Variants in THSD4 observed in about 807,000 individuals in gnomAD.
The protein encoded by THSD4 is thrombospondin type 1 domain containing 4, also known as thrombospondin type-1 domain-containing protein 4.
A neutral mutation model predicts 119.0 loss-of-function variants in THSD4; 69 were observed. The observed-to-expected ratio is 0.58, with a 90% CI of 0.48 to 0.71. The LOEUF (loss-of-function observed/expected upper bound fraction) is 0.71, where lower values mean the gene tolerates loss of function less well. THSD4 is among the 30% of genes least tolerant of loss of function. The probability of loss-of-function intolerance (pLI) is 0.00; values close to 1 mark genes in which losing one functional copy is unlikely to be tolerated. For synonymous variants in THSD4, 524 were observed against 540.4 expected, an observed-to-expected ratio of 0.97 and a Z score of 0.42; for missense variants, 1,393 against 1,391.1, an observed-to-expected ratio of 1.00 and a Z score of -0.02.
intron 7 of THSD4, among the ~76,000 whole-genome samples, chr15:71,463,844 CTG>C (rs2047460245): frequency 6.6e-6 from 1 of 152,234 alleles, no homozygotes; most frequent in South Asian, 2.1e-4. Context: ...TTTGTCTACT[CTG>C]TACCATCCTT....
chr15:71,604,174 A>G (rs1218583256), intron 7 of THSD4, among the ~76,000 whole-genome samples: 2 of 152,286 alleles, frequency 1.3e-5, no homozygotes, highest in African/African-American at 4.8e-5. Context: ...GGGTGGTGAC[A>G]TGAAGATTTA....
At chr15:71,525,655 G>A (rs1295115189) in intron 7 of THSD4, among the ~76,000 whole-genome samples, 1 of 152,226 alleles carries the variant, frequency 6.6e-6, no homozygotes, top group African/African-American at 2.4e-5. Context: ...TATGGTCCAT[G>A]GACAGAACAT....
At chr15:71,102,032 T>C (rs2040255885) in intron 1 of THSD4, among the ~76,000 whole-genome samples, 1 of 152,180 alleles carries the variant, frequency 6.6e-6, no homozygotes, top group Non-Finnish European at 1.5e-5. Context: ...TTTCTTTCTG[T>C]ATGTTAAAAA....
At chr15:71,452,439 C>T (rs1011460239) in intron 7 of THSD4, among the ~76,000 whole-genome samples, 3 of 151,184 alleles carry the variant, frequency 2.0e-5, no homozygotes, top group South Asian at 2.1e-4. Context: ...AACTTTAGTC[C>T]CTCCGTGCCA....
chr15:71,421,392 A>G (rs2046805536), intron 7 of THSD4, among the ~76,000 whole-genome samples: 1 of 152,078 alleles, frequency 6.6e-6, no homozygotes, highest in Non-Finnish European at 1.5e-5. Context: ...TTGTCTGGGT[A>G]AGTCTTTATT....
At chr15:71,637,728 A>ATT (rs199604356) in intron 7 of THSD4, among the ~76,000 whole-genome samples, 157 of 144,782 alleles carry the variant, frequency 1.1e-3, no homozygotes, top group African/African-American at 3.8e-3. Context: ...CACATTATGA[A>ATT]TTTTTTTTTT....
intron 7 of THSD4, among the ~76,000 whole-genome samples, chr15:71,502,405 A>G (rs984217458): frequency 6.6e-6 from 1 of 152,230 alleles, no homozygotes; most frequent in African/African-American, 2.4e-5. Context: ...GCAAACTTTT[A>G]TGGTAGAAAA....
At chr15:71,374,858 AG>A (rs1199019705) in intron 6 of THSD4, among the ~76,000 whole-genome samples, 1 of 152,218 alleles carries the variant, frequency 6.6e-6, no homozygotes, top group Non-Finnish European at 1.5e-5. Context: ...CACAAAGGCT[AG>A]GACAGCAGAC....
chr15:71,331,224 G>A (rs1377112225), intron 6 of THSD4, among the ~76,000 whole-genome samples: 1 of 152,210 alleles, frequency 6.6e-6, no homozygotes, highest in African/African-American at 2.4e-5. Flanking sequence ...AGGGGCGGCT[G>A]CCCTTCCTCG....
At chr15:71,110,854 G>A (rs909861595), upstream of THSD4, 17 of 402,100 alleles carry the variant, frequency 4.2e-5, no homozygotes, top group African/African-American at 4.0e-5. Flanking sequence ...ATAAATGAAG[G>A]ATAGACGGGA....
intron 6 of THSD4, among the ~76,000 whole-genome samples, chr15:71,321,646 A>G (rs956340435): frequency 6.6e-6 from 1 of 152,214 alleles, no homozygotes; most frequent in Non-Finnish European, 1.5e-5. Context: ...TCATATTCTA[A>G]GAATAGATTT....
At chr15:71,195,172 A>G (rs1433280902) in intron 3 of THSD4, among the ~76,000 whole-genome samples, 2 of 152,246 alleles carry the variant, frequency 1.3e-5, no homozygotes, top group Non-Finnish European at 2.9e-5. Flanking sequence ...TACGGGAGAC[A>G]TTAAGAAATA....
chr15:71,195,631 A>G (rs1157321459), intron 3 of THSD4, among the ~76,000 whole-genome samples: 1 of 152,174 alleles, frequency 6.6e-6, no homozygotes, highest in Non-Finnish European at 1.5e-5. Flanking sequence ...GGCGAGATAG[A>G]CTTTATCCTT....
intron 11 of THSD4, among the ~76,000 whole-genome samples, chr15:71,742,214 A>G (rs955884673): frequency 2.0e-5 from 3 of 152,132 alleles, no homozygotes; most frequent in Non-Finnish European, 4.4e-5. Context: ...TGTGCTTTTC[A>G]TGGTCAAATT....
intron 6 of THSD4, among the ~76,000 whole-genome samples, chr15:71,350,903 G>A (rs1057036935): frequency 1.3e-5 from 2 of 152,140 alleles, no homozygotes; most frequent in Non-Finnish European, 2.9e-5. Context: ...CCCCACTGGC[G>A]GTGGCTGTTT....
At chr15:71,557,195 G>A (rs2049033041) in intron 7 of THSD4, among the ~76,000 whole-genome samples, 1 of 152,056 alleles carries the variant, frequency 6.6e-6, no homozygotes, top group South Asian at 2.1e-4. Flanking sequence ...TCATGAACAT[G>A]TGTTGAATTT....
At chr15:71,329,256 C>T (rs893172054) in intron 6 of THSD4, among the ~76,000 whole-genome samples, 11 of 152,250 alleles carry the variant, frequency 7.2e-5, no homozygotes, top group Non-Finnish European at 1.3e-4. Context: ...GGCTGCCTGG[C>T]GACAGGGAGC....
At chr15:71,125,265 G>A (rs12440047) in intron 1 of THSD4, among the ~76,000 whole-genome samples, 1 of 152,120 alleles carries the variant, frequency 6.6e-6, no homozygotes, top group East Asian at 1.9e-4. Flanking sequence ...CTGCTGGCTG[G>A]AGTTTGGAAC....
chr15:71,642,713 C>T (rs1458850390), intron 7 of THSD4, among the ~76,000 whole-genome samples: 1 of 151,816 alleles, frequency 6.6e-6, no homozygotes, highest in Non-Finnish European at 1.5e-5. Flanking sequence ...AAAAACCAAA[C>T]ACCGCATGTT....
Sources: gnomAD v4.1 joint callset for allele counts (sites outside exome capture counted in the v4.1 genomes callset) on GRCh38, gnomAD v4.1.1 for gene constraint, MANE v1.5 for transcripts, NCBI Gene and HGNC (gene_info 2026-07-23, HGNC 2026-07-21) for gene names.